Variants in ING5 observed in about 807,000 individuals in gnomAD.
ING5 encodes the protein inhibitor of growth protein 5.
A neutral mutation model predicts 37.4 loss-of-function variants in ING5; 17 were observed. The observed-to-expected ratio is 0.45, with a 90% CI of 0.31 to 0.68. The LOEUF is 0.68. ING5 is among the 30% of genes least tolerant of loss of function. The pLI, the probability that ING5 is intolerant of heterozygous loss-of-function variation, is 0.05. For synonymous variants in ING5, 123 were observed against 116.6 expected (o/e 1.06, Z -0.36); for missense variants, 233 against 311.9 (o/e 0.75, Z 1.91).
chr2:241,725,128 A>G lies in ING5; in HGVS notation c.*97A>G. 4 of 1,287,762 alleles carry G rather than the reference A, an allele frequency of 3.1e-6. No individual in the cohort carries two copies. The highest frequency in any genetic ancestry group is 3.4e-6 in the Non-Finnish European group (3 of 888,538). The allele number at this position is 1,287,762 out of a possible 1,614,324, so 79.8% of individuals were successfully genotyped here. On this transcript the variant is annotated 3_prime_UTR_variant, in exon 8 of 8. Transcript: ENST00000313552. ...CTTTTAAAACTACCTTGTTCGGTTG[A>G]TACTTAGTAACTCCGTGGCCAGTTG...
At chr2:241,694,305 T>C (rs2069600421) in intron 2 of ING5, 1 of 151,602 alleles carries the variant, frequency 6.6e-6, no homozygotes, top group Non-Finnish European at 1.5e-5. Context: ...TAGCCCGGCG[T>C]GGTGGCGGGC....
intron 7 of ING5, among the ~76,000 whole-genome samples, chr2:241,723,552 G>A (rs1289764074): frequency 6.6e-6 from 1 of 152,218 alleles, no homozygotes; most frequent in Non-Finnish European, 1.5e-5. Flanking sequence ...CACGTTAATG[G>A]CCCCTCCTGA....
At position 241,707,676 on chromosome 2, in the gene ING5, T is replaced by C. The variant is rs925523163; in HGVS notation, c.110-1540T>C. 4.0e-4 allele frequency among the ~76,000 whole-genome samples: 61 copies of C among 152,262 alleles called. 4 individuals carry two copies. On this transcript the variant is annotated intron_variant, in intron 2 of 7. Transcript: ENST00000313552. The stretch of plus-strand genomic sequence containing the variant: ...GACTAGGGAATACAGAGAGTTATTT[T>C]ATTGTGAAATGTAACATATATTCAG...
At chr2:241,694,512 TA>T (rs569061994) in intron 2 of ING5, among the ~76,000 whole-genome samples, 3 of 151,678 alleles carry the variant, frequency 2.0e-5, no homozygotes, top group Admixed American at 1.3e-4. Flanking sequence ...ACAAATATGT[TA>T]AAAAAAAGTT....
chr2:241,705,488 C>T (rs1229962252), intron 2 of ING5, among the ~76,000 whole-genome samples: 3 of 150,486 alleles, frequency 2.0e-5, no homozygotes, highest in African/African-American at 7.4e-5. Context: ...ACCTCCACCT[C>T]CCGGGTTCAA....
chr2:241,696,389 TCAAAAA>T lies in ING5; in HGVS notation c.43+5756_43+5761del, dbSNP rs775752700. Reference sequence around the variant, plus strand: ...CGGGGTGACAGTGCAAGACTCCATCTCAAAAACAAAAACAAAAACAAAAACCCCCCA... The same window carrying T: ...CGGGGTGACAGTGCAAGACTCCATCTCAAAAACAAAAACAAAAACCCCCCA... On this transcript the variant is annotated intron_variant, in intron 2 of 7. Transcript: ENST00000636051. Among the ~76,000 whole-genome samples, 242 of 151,364 alleles carry T rather than the reference TCAAAAA, an allele frequency of 1.6e-3. 1 individual carries two copies. Among genetic ancestry groups the T allele is most frequent in the Admixed American group, 5.8e-3 (88 of 15,188 alleles).
rs985821360 is a variant in ING5, at chr2:241,728,018, A to G, written c.*2987A>G. On this transcript the variant is annotated 3_prime_UTR_variant, in exon 8 of 8. Coordinates refer to ENST00000313552, the MANE Select transcript of ING5 (RefSeq NM_032329.6). ...TTAATGTTTACTTTTGCCACTTACA[A>G]TAATATCACCAAAATAATATGCATA... 2 of 152,256 alleles carry G rather than the reference A, an allele frequency of 1.3e-5. No homozygotes were observed. Among genetic ancestry groups the G allele is most frequent in the African/African-American group, 2.4e-5 (1 of 41,452 alleles). 9.4% of individuals were successfully genotyped at this position (152,256 alleles called of 1,614,324 possible). A position where few individuals can be genotyped will look rare whatever the true frequency, so the allele number is the denominator to read the frequency against.
chr2:241,688,029 C>T (rs2069476833), exon 1 of ING5: 2 of 152,186 alleles, frequency 1.3e-5, no homozygotes, highest in African/African-American at 4.8e-5. Context: ...TTGCTGTTAT[C>T]TTAGGGATAT....
At chr2:241,693,083 AC>A (rs1402762784) in intron 2 of ING5, among the ~76,000 whole-genome samples, 1 of 151,500 alleles carries the variant, frequency 6.6e-6, no homozygotes, top group Non-Finnish European at 1.5e-5. Flanking sequence ...ACGTGGTGAA[AC>A]CCCGTCTCTA....
chr2:241,715,495 T>C (rs1026319454), intron 5 of ING5, among the ~76,000 whole-genome samples: 1 of 148,068 alleles, frequency 6.8e-6, no homozygotes, highest in Non-Finnish European at 1.5e-5. Flanking sequence ...TTTTTTTTTT[T>C]TTGGTGAGAC....
chr2:241,720,805 A>G, intron 5 of ING5: 1 of 985,624 alleles, frequency 1.0e-6, no homozygotes, highest in Non-Finnish European at 1.2e-6. Context: ...TGCAAGGGAC[A>G]GGGCTCCCCA....
chr2:241,723,227 T>G lies in ING5; in HGVS notation c.636T>G (p.Phe212Leu). The G allele has an allele frequency of 6.2e-7, 1 of 1,614,250 alleles. No homozygotes were observed. Among genetic ancestry groups the G allele is most frequent in the Non-Finnish European group, 8.5e-7 (1 of 1,180,044 alleles). The change falls in exon 7 of 8, where the codon TTT (phenylalanine) becomes TTG (leucine). Residue 212 changes from phenylalanine (F) to leucine (L), a missense_variant. This residue lies in a region of ING5 where 45 missense variants were observed against 98.2 expected (regional missense o/e 0.46). Transcript: ENST00000313552. The stretch of plus-strand genomic sequence containing the variant: ...CTTTGCAGTGTCCAATTGAGTGGTT[T>G]CACTTTGCCTGCGTGGACCTTACCA... ...CDNPDCPIEWFHFACVDLTTK... is the reference protein window; with the variant it reads ...CDNPDCPIEWLHFACVDLTTK...
intron 2 of ING5, among the ~76,000 whole-genome samples, chr2:241,693,709 G>C (rs939803647): frequency 7.0e-6 from 1 of 142,298 alleles, no homozygotes; most frequent in African/African-American, 2.6e-5. Context: ...CCAGGCTGGA[G>C]TGCAATGGCG....
chr2:241,703,015 G>A (rs2069792014), intron 1 of ING5, among the ~76,000 whole-genome samples: 1 of 152,188 alleles, frequency 6.6e-6, no homozygotes, highest in Non-Finnish European at 1.5e-5. Context: ...CCTGGAGCTG[G>A]AGACCGCTGC....
chr2:241,698,878 A>G (rs1054649432), upstream of ING5, among the ~76,000 whole-genome samples: 2 of 151,324 alleles, frequency 1.3e-5, no homozygotes, highest in Non-Finnish European at 2.9e-5. Flanking sequence ...ACAGGCAGCT[A>G]CCACCACAAC....
exon 2 of ING5, chr2:241,690,450 T>C (rs2069532903): frequency 5.1e-6 from 2 of 393,788 alleles, no homozygotes; most frequent in Non-Finnish European, 8.9e-6. Flanking sequence ...AGCAGTTCTC[T>C]TGGTGTTCCT....
intron 6 of ING5, 28 bp downstream of exon 6, chr2:241,723,102 A>G (rs2070470139): frequency 6.2e-7 from 1 of 1,614,126 alleles, no homozygotes; most frequent in Non-Finnish European, 8.5e-7. Flanking sequence ...GATTCGCGCC[A>G]TGGGGCGGGG....
Position 241,704,706 on chromosome 2 carries a change from C to T in ING5, c.91C>T (p.Leu31=), listed in dbSNP as rs751375027. Residue 31 remains leucine (L), a synonymous_variant, in exon 2 of 8, where the codon CTG becomes TTG. Coordinates refer to ENST00000313552, the MANE Select transcript of ING5 (RefSeq NM_032329.6). ...LQRNFQLMRE[L]DQRTEDKKAE... is the part of the protein sequence containing the mutation. ...GAGGAACTTCCAGCTGATGCGAGAG[C>T]TGGACCAGAGGACGGAAGGTGGGTT... 5 of 1,614,048 alleles carry T rather than the reference C, an allele frequency of 3.1e-6. No individual in the cohort carries two copies. The highest frequency in any genetic ancestry group is 3.3e-5 in the Admixed American group (2 of 60,016).
At chr2:241,712,329 G>A (rs2070136786) in intron 5 of ING5, 2 of 394,984 alleles carry the variant, frequency 5.1e-6, no homozygotes, top group Non-Finnish European at 9.2e-6. Context: ...GGCTGCACCT[G>A]GAGTCTGACT....
Sources: gnomAD v4.1 joint callset for allele counts (sites outside exome capture counted in the v4.1 genomes callset) on GRCh38, gnomAD v4.1.1 for gene constraint, gnomAD v4.1.1 regional missense constraint, MANE v1.5 for transcripts, NCBI Gene and HGNC (gene_info 2026-07-23, HGNC 2026-07-21) for gene names.